TOE1: variants seen among roughly 807,000 people sequenced by gnomAD.
The protein encoded by TOE1 is target of EGR1 protein 1.
TOE1 carries 50 observed loss-of-function variants against 49.2 expected under a neutral mutation model. The observed-to-expected ratio is 1.02, with a 90% confidence interval of 0.81 to 1.29. The LOEUF (loss-of-function observed/expected upper bound fraction) is 1.29. TOE1 is among the 50% of genes most tolerant of loss of function. TOE1 has a pLI of 0.00. For missense variants in TOE1, 544 were observed against 654.4 expected (o/e 0.83, Z 1.84); for synonymous variants, 221 against 247.0 (o/e 0.89, Z 0.99).
intron 4 of TOE1, 84 bp downstream of exon 4, chr1:45,341,653 T>C (rs2149257394): frequency 7.9e-7 from 1 of 1,265,526 alleles, no homozygotes; most frequent in Non-Finnish European, 1.1e-6. Flanking sequence ...ATAGGAAGCA[T>C]TTCTCTCCCA....
chr1:45,340,423 T>G, intron 1 of TOE1, 119 bp downstream of exon 1: 1 of 1,529,020 alleles, frequency 6.5e-7, no homozygotes, highest in Non-Finnish European at 8.8e-7. Context: ...CCGCCTGAAC[T>G]AGCCACGAGG....
chr1:45,341,235 G>A lies in TOE1; in HGVS notation c.195+20G>A. 6.2e-7 allele frequency: 1 copy of A among 1,614,198 alleles called. No individual in the cohort carries two copies. On this transcript the variant is annotated intron_variant, in intron 2 of 7. Transcript: ENST00000372090. ...GACACGGTGAGAGTTGGGAAACAAG[G>A]AGGGCAGGTGGTTGTGAAGGGGCTG... is the stretch of plus-strand genomic sequence containing the variant.
rs370623280 is a variant in TOE1, at chr1:45,343,937, CA to C, written c.*246del. The C allele has an allele frequency of 0.039, 12,554 of 324,264 alleles. No individual in the cohort carries two copies. The highest frequency in any genetic ancestry group is 0.065 in the Middle Eastern group (76 of 1,172). 20.1% of individuals were successfully genotyped at this position (324,264 alleles called of 1,614,324 possible). On this transcript the variant is annotated 3_prime_UTR_variant, in exon 8 of 8. Transcript: ENST00000372090. This position sits in a 1 kb window ranked among gnomAD's most constrained non-coding sequence, Gnocchi z 4.3. ...CTGAAAATGTCTTGGGAAAGTTTTACAAAAAAAAAAATCAACAGAAGCAAGT... is the reference window on the plus strand; with the variant it reads ...CTGAAAATGTCTTGGGAAAGTTTTACAAAAAAAAAATCAACAGAAGCAAGT...
At position 45,343,888 on chromosome 1, in the gene TOE1, G is replaced by A. The variant is rs1647098448; in HGVS notation, c.*186G>A. On this transcript the variant is annotated 3_prime_UTR_variant, in exon 8 of 8. Coordinates refer to ENST00000372090, the MANE Select transcript of TOE1 (RefSeq NM_025077.4). The surrounding 1 kb of genome is among the most constrained non-coding windows in gnomAD (Gnocchi z 4.3). ...CAAGTAAGAAGGCTGACCAGCACCT[G>A]TAACACTGACTTTATTTTTAAGTCT... The A allele has an allele frequency of 2.4e-5, 13 of 540,644 alleles. No homozygotes were observed. Among genetic ancestry groups the A allele is most frequent in the Middle Eastern group, 8.7e-4 (2 of 2,298 alleles). 33.5% of individuals were successfully genotyped at this position (540,644 alleles called of 1,614,324 possible). A position where few individuals can be genotyped will look rare whatever the true frequency, so the allele number is the denominator to read the frequency against.
At position 45,340,316 on chromosome 1, in the gene TOE1, C is replaced by T; in HGVS notation, c.52+12C>T. ...CGCAGCTTCCGACGGTGAGCGGCTTCCCAGAGGTAGCCTTCAAAGCCTCTG... is the reference window on the plus strand; with the variant it reads ...CGCAGCTTCCGACGGTGAGCGGCTTTCCAGAGGTAGCCTTCAAAGCCTCTG... On this transcript the variant is annotated intron_variant, in intron 1 of 7. Transcript: ENST00000372090. 1 of 1,610,786 alleles carries T rather than the reference C, an allele frequency of 6.2e-7. No homozygotes were observed. Among genetic ancestry groups the T allele is most frequent in the Non-Finnish European group, 8.5e-7 (1 of 1,178,866 alleles).
In TOE1 at chr1:45,343,866, G is replaced by A; in HGVS notation, c.*164G>A. On this transcript the variant is annotated 3_prime_UTR_variant, in exon 8 of 8. Coordinates refer to ENST00000372090, the MANE Select transcript of TOE1 (RefSeq NM_025077.4). This position sits in a 1 kb window ranked among gnomAD's most constrained non-coding sequence, Gnocchi z 4.3. ...CTTTATCCCAGTGTTTGAGGTACAA[G>A]TAAGAAGGCTGACCAGCACCTGTAA... The A allele has an allele frequency of 1.4e-6, 1 of 736,512 alleles. No homozygotes were observed. The highest frequency in any genetic ancestry group is 2.2e-6 in the Non-Finnish European group (1 of 461,332). The allele number at this position is 736,512 out of a possible 1,614,324, so 45.6% of individuals were successfully genotyped here.
rs767628515 is a variant in TOE1, at chr1:45,340,311, G to A, written c.52+7G>A. ...GCTCCCGCAGCTTCCGACGGTGAGC[G>A]GCTTCCCAGAGGTAGCCTTCAAAGC... is the stretch of plus-strand genomic sequence containing the variant. On this transcript the variant is annotated splice_region_variant and intron_variant, in intron 1 of 7. Coordinates refer to ENST00000372090, the MANE Select transcript of TOE1 (RefSeq NM_025077.4). The A allele has an allele frequency of 6.2e-7, 1 of 1,611,738 alleles. No homozygotes were observed. Among genetic ancestry groups the A allele is most frequent in the South Asian group, 1.1e-5 (1 of 90,634 alleles).
chr1:45,342,970 C>A lies in TOE1; in HGVS notation c.880C>A (p.Pro294Thr), dbSNP rs770784428. ...CTGCCTGCCCCCAGCAACCCACCGT[C>A]CTCATCCCACCAGCATCTGTGACAA... The part of the protein sequence containing the change: ...RCCLPPATHR[P>T]HPTSICDNFS... The change falls in exon 7 of 8, where the codon CCT becomes ACT. Residue 294 changes from proline (P) to threonine (T), a missense_variant. Pro to Thr is a conservative substitution (Grantham distance 38). Transcript: ENST00000372090. 3.2e-5 allele frequency: 51 copies of A among 1,613,736 alleles called. No homozygotes were observed. In the South Asian group the frequency reaches 5.5e-4, roughly 17 times the overall value.
intron 4 of TOE1, 75 bp from the exon 5 acceptor site, chr1:45,341,874 A>C: frequency 6.7e-7 from 1 of 1,495,420 alleles, no homozygotes; most frequent in Non-Finnish European, 9.2e-7. Flanking sequence ...AGTCCATTGT[A>C]TCATTCTTAA....
chr1:45,342,169 C>A, intron 5 of TOE1, 62 bp downstream of exon 5: 1 of 1,588,254 alleles, frequency 6.3e-7, no homozygotes, highest in Non-Finnish European at 8.6e-7. Flanking sequence ...TCTTCCTACC[C>A]TAGGCTGGAT....
At position 45,342,966 on chromosome 1, in the gene TOE1, C is replaced by T. The variant is rs777720481; in HGVS notation, c.876C>T (p.His292=). ...GCTGCTGCCTGCCCCCAGCAACCCACCGTCCTCATCCCACCAGCATCTGTG... is the reference window on the plus strand; with the variant it reads ...GCTGCTGCCTGCCCCCAGCAACCCATCGTCCTCATCCCACCAGCATCTGTG... ...DYRCCLPPAT[H]RPHPTSICDN... Residue 292 remains histidine (H), a synonymous_variant, in exon 7 of 8, where the codon CAC becomes CAT. Coordinates refer to ENST00000372090, the MANE Select transcript of TOE1 (RefSeq NM_025077.4). The T allele has an allele frequency of 6.2e-7, 1 of 1,613,758 alleles. No homozygotes were observed. Among genetic ancestry groups the T allele is most frequent in the African/African-American group, 1.3e-5 (1 of 74,804 alleles).
chr1:45,341,967 G>A lies in TOE1; in HGVS notation c.352G>A (p.Ala118Thr). 6.2e-7 allele frequency: 1 copy of A among 1,613,850 alleles called. No individual in the cohort carries two copies. The highest frequency in any genetic ancestry group is 8.5e-7 in the Non-Finnish European group (1 of 1,179,862). ...CTCCCAGGGTGAACATTCCTATCTG[G>A]CTCAAGTGTTCAATCTCACTCTGCT... ...QPDKGEHSYL[A>T]QVFNLTLLCM... is the part of the protein sequence containing the mutation. The change falls in exon 5 of 8, where the codon GCT becomes ACT. Residue 118 changes from alanine (A) to threonine (T), a missense_variant. By Grantham distance (58) the Ala-to-Thr change is moderately conservative (BLOSUM62 0). Coordinates refer to ENST00000372090, the MANE Select transcript of TOE1 (RefSeq NM_025077.4).
chr1:45,340,976 CTACCCCCCT>C, intron 1 of TOE1, 88 bp from the exon 2 acceptor site: 1 of 1,546,238 alleles, frequency 6.5e-7, no homozygotes, highest in Non-Finnish European at 8.8e-7. Flanking sequence ...CCAATGGAAA[CTACCCCCCT>C]TACCACCATC....
chr1:45,340,470 G>T, intron 1 of TOE1, 166 bp downstream of exon 1: 1 of 1,469,558 alleles, frequency 6.8e-7, no homozygotes. Context: ...GGCTCCGGCT[G>T]CAAAAGCCTG....
intron 1 of TOE1, 70 bp from the exon 2 acceptor site, chr1:45,341,003 C>T (rs1646921966): frequency 1.2e-6 from 2 of 1,602,998 alleles, no homozygotes; most frequent in African/African-American, 2.7e-5. Flanking sequence ...ATCACCGTGG[C>T]CTAGCTTGGT....
In TOE1 at chr1:45,343,068, T is replaced by C; in HGVS notation, c.913-14T>C. 6.2e-7 allele frequency: 1 copy of C among 1,613,346 alleles called. No individual in the cohort carries two copies. The highest frequency in any genetic ancestry group is 8.5e-7 in the Non-Finnish European group (1 of 1,179,576). ...TGCCTGGAGCCTCTTTCTAAGCCTC[T>C]TTCCCACCCCTAGGCTTATGGCTGG... On this transcript the variant is annotated splice_polypyrimidine_tract_variant and intron_variant, in intron 7 of 7. Transcript: ENST00000372090. This position sits in a 1 kb window ranked among gnomAD's most constrained non-coding sequence, Gnocchi z 4.3.
chr1:45,340,364 T>A (rs1646844785), intron 1 of TOE1, 60 bp downstream of exon 1: 1 of 1,569,314 alleles, frequency 6.4e-7, no homozygotes, highest in Admixed American at 1.9e-5. Context: ...GGGGAAGGCC[T>A]CGGGCTCATA....
In TOE1 at chr1:45,343,124, C is replaced by T. The variant is rs750266350; in HGVS notation, c.955C>T (p.His319Tyr). The part of the protein sequence containing the change: ...CPLGPQCPQS[H>Y]DIDLIIDTDE... ...CCTGGGACCACAGTGTCCTCAGTCTCACGATATTGACCTTATCATTGACAC... is the reference window on the plus strand; with the variant it reads ...CCTGGGACCACAGTGTCCTCAGTCTTACGATATTGACCTTATCATTGACAC... Residue 319 changes from histidine to tyrosine, a missense_variant, in exon 8 of 8, where the codon CAC becomes TAC. Physicochemically the swap from His to Tyr is moderately conservative, Grantham distance 83. Coordinates refer to ENST00000372090, the MANE Select transcript of TOE1 (RefSeq NM_025077.4). This position sits in a 1 kb window ranked among gnomAD's most constrained non-coding sequence, Gnocchi z 4.3. 14 of 1,613,820 alleles carry T rather than the reference C, an allele frequency of 8.7e-6. No individual in the cohort carries two copies. In the East Asian group the frequency reaches 3.1e-4, roughly 36 times the overall value.
In TOE1 at chr1:45,342,788, C is replaced by G. The variant is rs747986014; in HGVS notation, c.753-55C>G. ...AGTGAACAAAACAGACCACAAAACC[C>G]TGCTCTTATGGAGCTTATATGCTAG... is the stretch of plus-strand genomic sequence containing the variant. On this transcript the variant is annotated intron_variant, in intron 6 of 7. Transcript: ENST00000372090. The G allele has an allele frequency of 3.1e-6, 5 of 1,611,010 alleles. No individual in the cohort carries two copies. The South Asian group carries it at 5.5e-5, about 18-fold the overall frequency.
Sources: allele counts gnomAD v4.1 joint callset, GRCh38; gene constraint gnomAD v4.1.1; non-coding constraint Gnocchi (gnomAD v3.1); transcripts MANE v1.5; gene names NCBI Gene and HGNC (gene_info 2026-07-23, HGNC 2026-07-21).